The following WDR27 variants were observed in gnomAD, a reference collection of about 807,000 sequenced individuals.
WDR27 encodes the protein WD repeat-containing protein 27.
WDR27 carries 100 observed loss-of-function variants against 114.4 expected under a neutral mutation model. The ratio of observed to expected loss-of-function variants is 0.87; its 90% CI spans 0.74 to 1.03. The LOEUF (loss-of-function observed/expected upper bound fraction) is 1.03, where lower values mean the gene tolerates loss of function less well. Among genes scored for constraint, WDR27 ranks in the 50% least tolerant of loss-of-function variants. The pLI is 0.00. For synonymous variants in WDR27, 449 were observed against 423.1 expected (o/e 1.06, Z -0.75); for missense variants, 1,129 against 1,092.9 (o/e 1.03, Z -0.47).
intron 23 of WDR27, among the ~76,000 whole-genome samples, chr6:169,588,472 T>A (rs1805067896): frequency 6.6e-6 from 1 of 152,218 alleles, no homozygotes; most frequent in Non-Finnish European, 1.5e-5. Flanking sequence ...TTTTTCAAGT[T>A]GTTGAAAATC....
At position 169,660,552 on chromosome 6, in the gene WDR27, C is replaced by T; in HGVS notation, c.1129+111G>A. Reference sequence around the variant, plus strand: ...CAATGCTGAGTTGTGACTGAAGCATCTCATCCTCAGATTCACACGGCAAGG... The same window carrying T: ...CAATGCTGAGTTGTGACTGAAGCATTTCATCCTCAGATTCACACGGCAAGG... On this transcript the variant is annotated intron_variant, in intron 10 of 25. Transcript: ENST00000448612. 6 of 864,044 alleles carry T rather than the reference C, an allele frequency of 6.9e-6. No homozygotes were observed. The South Asian group carries it at 8.7e-5, about 13-fold the overall frequency. The allele number at this position is 864,044 out of a possible 1,614,324, so 53.5% of individuals were successfully genotyped here.
chr6:169,497,145 T>G (rs545728950), intron 25 of WDR27, among the ~76,000 whole-genome samples: 2 of 152,206 alleles, frequency 1.3e-5, no homozygotes, highest in Admixed American at 6.5e-5. Context: ...ACATATATGG[T>G]CAAGGGTGCC....
At chr6:169,546,015 T>C (rs1004014798) in intron 25 of WDR27, among the ~76,000 whole-genome samples, 4 of 151,168 alleles carry the variant, frequency 2.6e-5, no homozygotes, top group African/African-American at 9.7e-5. Context: ...ATAAGCACAT[T>C]AAAGATGCTC....
chr6:169,647,317 G>A (rs551810125), intron 16 of WDR27, among the ~76,000 whole-genome samples: 1 of 152,344 alleles, frequency 6.6e-6, no homozygotes, highest in East Asian at 1.9e-4. Flanking sequence ...CGGTAAGGAA[G>A]GAATCCTGTG....
At chr6:169,568,508 G>A (rs910217167) in intron 25 of WDR27, among the ~76,000 whole-genome samples, 11 of 152,144 alleles carry the variant, frequency 7.2e-5, no homozygotes, top group African/African-American at 2.7e-4. Flanking sequence ...AAGCTCAGTA[G>A]GGACCTGCAG....
chr6:169,666,599 G>A (rs752018751), intron 6 of WDR27: 21 of 985,422 alleles, frequency 2.1e-5, no homozygotes, highest in South Asian at 9.4e-5. Flanking sequence ...CGTGCTCCGC[G>A]GACGGACGCC....
chr6:169,640,876 C>A (rs1322270128), intron 17 of WDR27, among the ~76,000 whole-genome samples: 1 of 152,234 alleles, frequency 6.6e-6, no homozygotes, highest in South Asian at 2.1e-4. Context: ...GTCACTGCTA[C>A]CCATGCTCTT....
intron 17 of WDR27, among the ~76,000 whole-genome samples, chr6:169,642,533 A>G (rs1819488454): frequency 1.3e-5 from 2 of 152,122 alleles, no homozygotes; most frequent in South Asian, 4.1e-4. Context: ...ATGAGGTGGG[A>G]CCAGGAGCAA....
At chr6:169,483,651 T>C in intron 25 of WDR27, among the ~76,000 whole-genome samples, 1 of 152,062 alleles carries the variant, frequency 6.6e-6, no homozygotes. Context: ...CCCAACTCAT[T>C]CTATGATGCC....
chr6:169,621,597 C>T (rs1337495504), intron 21 of WDR27, among the ~76,000 whole-genome samples: 1 of 152,022 alleles, frequency 6.6e-6, no homozygotes, highest in East Asian at 1.9e-4. Flanking sequence ...CACGCATATA[C>T]ATACCCACAC....
At chr6:169,578,216 G>A (rs531029906) in intron 24 of WDR27, among the ~76,000 whole-genome samples, 3 of 152,132 alleles carry the variant, frequency 2.0e-5, no homozygotes, top group African/African-American at 7.2e-5. Context: ...CTGGAATAAC[G>A]GCGCCCACAC....
intron 25 of WDR27, among the ~76,000 whole-genome samples, chr6:169,532,772 T>A (rs1326196222): frequency 6.6e-6 from 1 of 151,810 alleles, no homozygotes; most frequent in South Asian, 2.1e-4. Context: ...AATTGCAACC[T>A]CTGGCTTCTG....
At chr6:169,609,559 G>A (rs992916750) in intron 22 of WDR27, among the ~76,000 whole-genome samples, 3 of 152,218 alleles carry the variant, frequency 2.0e-5, no homozygotes, top group African/African-American at 7.2e-5. Context: ...TGGAGCGGCT[G>A]GGACACAGGG....
At chr6:169,698,119 C>T (rs1562962290) in intron 1 of WDR27, among the ~76,000 whole-genome samples, 2 of 152,186 alleles carry the variant, frequency 1.3e-5, no homozygotes, top group Non-Finnish European at 2.9e-5. Flanking sequence ...ACATAAGCCA[C>T]CTTGACGAGG....
intron 2 of WDR27, among the ~76,000 whole-genome samples, chr6:169,683,556 A>G (rs1782104378): frequency 1.3e-5 from 2 of 152,152 alleles, no homozygotes; most frequent in Non-Finnish European, 1.5e-5. Flanking sequence ...GCAATAAATA[A>G]AAAGCTAAGA....
At chr6:169,685,599 A>C (rs1277287533) in intron 2 of WDR27, among the ~76,000 whole-genome samples, 1 of 152,214 alleles carries the variant, frequency 6.6e-6, no homozygotes, top group Non-Finnish European at 1.5e-5. Context: ...TAGATTAAGC[A>C]ACTAGGCTTC....
chr6:169,512,338 A>G (rs1012962363), intron 25 of WDR27, among the ~76,000 whole-genome samples: 10 of 152,184 alleles, frequency 6.6e-5, no homozygotes, highest in Non-Finnish European at 1.2e-4. Flanking sequence ...TGTCATTTCA[A>G]CTTTATGTCT....
At chr6:169,446,905 CTGAA>C in the WDR27 span, among the ~76,000 whole-genome samples, 2 of 152,226 alleles carry the variant, frequency 1.3e-5, no homozygotes, top group African/African-American at 4.8e-5. Context: ...TCCTGGTTGA[CTGAA>C]TGTCCTGTCT....
At chr6:169,672,137 A>C (rs1585069789) in intron 3 of WDR27, 118 bp downstream of exon 3, 1 of 1,048,774 alleles carries the variant, frequency 9.5e-7, no homozygotes, top group Non-Finnish European at 1.3e-6. Context: ...ATTATCCCAA[A>C]CCCCCCGAGG....
Sources: allele counts gnomAD v4.1 joint callset (sites outside exome capture counted in the v4.1 genomes callset), GRCh38; gene constraint gnomAD v4.1.1; transcripts MANE v1.5; gene names NCBI Gene and HGNC (gene_info 2026-07-23, HGNC 2026-07-21).